Variants in HEATR4 observed in about 807,000 individuals in gnomAD.
HEATR4 encodes the protein HEAT repeat containing 4.
Under a neutral mutation model 108.8 loss-of-function variants are expected in HEATR4, and 95 were observed. The observed-to-expected ratio is 0.87, with a 90% CI of 0.74 to 1.04. The LOEUF is 1.04. Among genes scored for constraint, HEATR4 ranks in the 50% least tolerant of loss-of-function variants. The pLI, the probability that HEATR4 is intolerant of heterozygous loss-of-function variation, is 0.00. For missense variants in HEATR4, 1,152 were observed against 1,253.8 expected, an observed-to-expected ratio of 0.92 and a Z score of 1.23; for synonymous variants, 443 against 459.4, an observed-to-expected ratio of 0.96 and a Z score of 0.46.
intron 9 of HEATR4, among the ~76,000 whole-genome samples, chr14:73,507,269 T>C (rs1042053898): frequency 2.0e-5 from 3 of 152,206 alleles, no homozygotes; most frequent in African/African-American, 4.8e-5. Context: ...TTCTTGCATA[T>C]GCAAATAGAG....
At chr14:73,500,022 C>G (rs1222741551) in intron 12 of HEATR4, among the ~76,000 whole-genome samples, 6 of 152,086 alleles carry the variant, frequency 3.9e-5, no homozygotes, top group Non-Finnish European at 1.5e-5. Flanking sequence ...GAAGTCAGGA[C>G]ATCGAGACCA....
the HEATR4 span, chr14:73,573,701 C>T: frequency 1.6e-6 from 2 of 1,254,136 alleles, no homozygotes; most frequent in Non-Finnish European, 1.2e-6. Flanking sequence ...TACCCCAACA[C>T]ACACTACCTT....
At chr14:73,562,435 T>C (rs183373290), upstream of HEATR4, among the ~76,000 whole-genome samples, 1 of 152,124 alleles carries the variant, frequency 6.6e-6, no homozygotes, top group East Asian at 1.9e-4. Flanking sequence ...GTTTGAACAA[T>C]ACGAAATCAG....
upstream of HEATR4, among the ~76,000 whole-genome samples, chr14:73,560,506 C>CA (rs1397248456): frequency 2.6e-5 from 4 of 151,378 alleles, no homozygotes; most frequent in Non-Finnish European, 4.4e-5. Context: ...ACTAAAAATA[C>CA]AAAAAAATTA....
intron 15 of HEATR4, among the ~76,000 whole-genome samples, chr14:73,495,668 T>C (rs1886072312): frequency 6.6e-6 from 1 of 152,184 alleles, no homozygotes; most frequent in Non-Finnish European, 1.5e-5. Context: ...TCTTATGATA[T>C]TGGTTGGAGA....
In HEATR4 at chr14:73,514,192, G is replaced by A; in HGVS notation, c.1253C>T (p.Pro418Leu). The A allele has an allele frequency of 6.2e-7, 1 of 1,614,126 alleles. No individual in the cohort carries two copies. The highest frequency in any genetic ancestry group is 1.1e-5 in the South Asian group (1 of 91,076). The change falls in exon 6 of 18, where the codon CCC becomes CTC. Residue 418 changes from proline (P) to leucine (L), a missense_variant. By Grantham distance (98) the Pro-to-Leu change is moderately conservative (BLOSUM62 -3). Transcript: ENST00000553558. Reference sequence around the variant, plus strand: ...CAGCAGCATATCCTTGGCGGGGGTGGGCAAAGCAGTCCAGCGCAGGGCTCC... The same window carrying A: ...CAGCAGCATATCCTTGGCGGGGGTGAGCAAAGCAGTCCAGCGCAGGGCTCC... ...VQGALRWTAL[P>L]TPAKDMLLQV...
At chr14:73,578,398 T>C in the HEATR4 span, among the ~76,000 whole-genome samples, 5 of 151,626 alleles carry the variant, frequency 3.3e-5, no homozygotes, top group East Asian at 9.7e-4. Context: ...CCCAGCTAAT[T>C]TTTGTATTTT....
the HEATR4 span, chr14:73,593,927 A>T: frequency 6.3e-7 from 1 of 1,584,666 alleles, no homozygotes; most frequent in Non-Finnish European, 8.6e-7. Flanking sequence ...TCCTTTATTT[A>T]ATCAGTCTCT....
At chr14:73,617,911 A>G in the HEATR4 span, among the ~76,000 whole-genome samples, 3 of 108,364 alleles carry the variant, frequency 2.8e-5, no homozygotes, top group African/African-American at 1.1e-4. Flanking sequence ...TTGGGAGGCC[A>G]AGGCGGGCAG....
At chr14:73,495,436 T>G (rs764137076) in intron 15 of HEATR4, 49 bp from the exon 16 acceptor site, 97 of 1,467,008 alleles carry the variant, frequency 6.6e-5, no homozygotes, top group Non-Finnish European at 9.0e-5. Flanking sequence ...ACACCTGTAC[T>G]AGGCAGCAAA....
the HEATR4 span, among the ~76,000 whole-genome samples, chr14:73,605,128 C>A: frequency 6.6e-6 from 1 of 150,996 alleles, no homozygotes; most frequent in Admixed American, 6.6e-5. Context: ...TCCAGCAAAA[C>A]AAGATCCAAG....
the HEATR4 span, chr14:73,616,699 A>AT: frequency 8.4e-4 from 170 of 203,274 alleles, no homozygotes; most frequent in East Asian, 2.2e-3. Flanking sequence ...TCAAAAAAAA[A>AT]TTTTTTTTTT....
At chr14:73,623,409 C>T in the HEATR4 span, among the ~76,000 whole-genome samples, 1 of 152,154 alleles carries the variant, frequency 6.6e-6, no homozygotes, top group East Asian at 1.9e-4. Context: ...CCCAGGTGGG[C>T]ATGGTGGCTC....
intron 17 of HEATR4, among the ~76,000 whole-genome samples, chr14:73,483,347 G>A (rs1885325650): frequency 6.6e-6 from 1 of 152,062 alleles, no homozygotes; most frequent in South Asian, 2.1e-4. Flanking sequence ...TTGTTTGTTT[G>A]TTTTTTAGAG....
the HEATR4 span, among the ~76,000 whole-genome samples, chr14:73,601,718 C>T: frequency 5.9e-5 from 9 of 152,174 alleles, no homozygotes; most frequent in Non-Finnish European, 4.4e-5. Context: ...TCCTGGTTCT[C>T]CATGAGTCCA....
the HEATR4 span, among the ~76,000 whole-genome samples, chr14:73,602,588 C>G: frequency 6.6e-6 from 1 of 152,182 alleles, no homozygotes; most frequent in African/African-American, 2.4e-5. Context: ...ACTCCTTCTT[C>G]CAAACATATT....
intron 8 of HEATR4, 131 bp downstream of exon 8, chr14:73,509,181 G>A (rs891222098): frequency 1.1e-6 from 1 of 915,564 alleles, no homozygotes; most frequent in Admixed American, 2.2e-5. Context: ...TTTTCAAATG[G>A]TCTAACATAA....
chr14:73,569,308 C>A, the HEATR4 span: 12 of 1,613,930 alleles, frequency 7.4e-6, 1 homozygote, highest in Non-Finnish European at 1.0e-5. Flanking sequence ...AAAATGGCCT[C>A]ATCTCCTGCT....
At chr14:73,602,492 G>T in the HEATR4 span, among the ~76,000 whole-genome samples, 3 of 152,088 alleles carry the variant, frequency 2.0e-5, no homozygotes, top group African/African-American at 7.2e-5. Flanking sequence ...CTTCCACCCC[G>T]CTTCTCACTA....
Sources: gnomAD v4.1 joint callset for allele counts (sites outside exome capture counted in the v4.1 genomes callset) on GRCh38, gnomAD v4.1.1 for gene constraint, MANE v1.5 for transcripts, NCBI Gene and HGNC (gene_info 2026-07-23, HGNC 2026-07-21) for gene names.